MYO18A: variants seen among roughly 807,000 people sequenced by gnomAD.
The protein encoded by MYO18A is unconventional myosin-XVIIIa.
A neutral mutation model predicts 235.8 loss-of-function variants in MYO18A; 78 were observed. The observed-to-expected ratio is 0.33, with a 90% CI of 0.28 to 0.40. The LOEUF (loss-of-function observed/expected upper bound fraction) is 0.40, where lower values mean the gene tolerates loss of function less well. Among genes scored for constraint, MYO18A ranks in the 10% least tolerant of loss-of-function variants. The pLI is 1.00. For synonymous variants in MYO18A, 977 were observed against 1,077.8 expected, an observed-to-expected ratio of 0.91 and a Z score of 1.83; for missense variants, 2,215 against 2,699.3, an observed-to-expected ratio of 0.82 and a Z score of 3.98.
At chr17:29,147,891 A>C (rs1598377973) in intron 2 of MYO18A, among the ~76,000 whole-genome samples, 1 of 146,758 alleles carries the variant, frequency 6.8e-6, no homozygotes, top group Admixed American at 6.8e-5. Flanking sequence ...CTGGGTGACA[A>C]AAAAAAAAAA....
intron 2 of MYO18A, chr17:29,124,772 TGAGTC>T (rs1315128542): frequency 5.3e-6 from 6 of 1,127,946 alleles, no homozygotes; most frequent in African/African-American, 3.2e-5. Context: ...CAAGTGCTCC[TGAGTC>T]AAGTGGGCCG....
chr17:29,092,052 C>T (rs2066409814), intron 34 of MYO18A, among the ~76,000 whole-genome samples: 1 of 152,218 alleles, frequency 6.6e-6, no homozygotes, highest in Non-Finnish European at 1.5e-5. Flanking sequence ...ACATTAGCTG[C>T]CTTTATTTAT....
rs2067181692 is a variant in MYO18A, at chr17:29,120,888, G to A, written c.1585+110C>T. 4.5e-6 allele frequency: 7 copies of A among 1,555,246 alleles called. No homozygotes were observed. Among genetic ancestry groups the A allele is most frequent in the Non-Finnish European group, 6.1e-6 (7 of 1,143,206 alleles). ...AACTGCCCGTGGACAGAGGGGTTTC[G>A]GGGGGATGGAAAGGCCAGGGAGAAA... On this transcript the variant is annotated intron_variant, in intron 6 of 41. Transcript: ENST00000527372. This position sits in a 1 kb window ranked among gnomAD's most constrained non-coding sequence, Gnocchi z 4.2.
chr17:29,103,572 C>G, intron 21 of MYO18A, 27 bp downstream of exon 21: 1 of 1,613,040 alleles, frequency 6.2e-7, no homozygotes, highest in Non-Finnish European at 8.5e-7. Context: ...GAGTGAGGCC[C>G]GACTGCCCTC....
At position 29,074,879 on chromosome 17, in the gene MYO18A, C is replaced by T. The variant is rs1218067488; in HGVS notation, c.6056G>A (p.Arg2019Gln). 2.8e-5 allele frequency: 45 copies of T among 1,613,702 alleles called. No homozygotes were observed. In the South Asian group the frequency reaches 3.5e-4, roughly 13 times the overall value. ...TSYWKSLAPD[R>Q]SDDEHDPLDN... Reference sequence around the variant, plus strand: ...GAGAGGGTCGTGCTCATCATCTGACCGATCAGGGGCAAGGGACTTCCAGTA... The same window carrying T: ...GAGAGGGTCGTGCTCATCATCTGACTGATCAGGGGCAAGGGACTTCCAGTA... The change falls in exon 42 of 42, where the codon CGG (arginine) becomes CAG (glutamine). Residue 2019 changes from arginine (R) to glutamine (Q), a missense_variant. Physicochemically the swap from Arg to Gln is conservative, Grantham distance 43. Transcript: ENST00000527372. This position sits in a 1 kb window ranked among gnomAD's most constrained non-coding sequence, Gnocchi z 4.4.
intron 1 of MYO18A, among the ~76,000 whole-genome samples, chr17:29,175,242 C>T (rs1567651874): frequency 6.6e-6 from 1 of 152,212 alleles, no homozygotes; most frequent in Middle Eastern, 3.4e-3. Context: ...GCATGGGCCA[C>T]CGCACTCGGG....
At chr17:29,116,662 GAC>G (rs1053226670) in intron 10 of MYO18A, among the ~76,000 whole-genome samples, 1 of 103,686 alleles carries the variant, frequency 9.6e-6, no homozygotes, top group Non-Finnish European at 1.7e-5. Context: ...TAATCACACT[GAC>G]ACACACAGAA....
At chr17:29,128,938 A>AGACACAGCAGAGATGGAGCATG (rs1228517057) in intron 2 of MYO18A, 2 of 883,538 alleles carry the variant, frequency 2.3e-6, no homozygotes, top group African/African-American at 1.7e-5. Context: ...CTCGCAGCCC[A>AGACACAGCAGAGATGGAGCATG]GACACAGCAG....
chr17:29,107,788 T>G (rs2066828444), intron 19 of MYO18A: 1 of 152,190 alleles, frequency 6.6e-6, no homozygotes, highest in African/African-American at 2.4e-5. Context: ...TGGTGGTGCA[T>G]GCCTGTAGTC....
chr17:29,087,351 G>T (rs1454595667), intron 37 of MYO18A, among the ~76,000 whole-genome samples: 1 of 152,166 alleles, frequency 6.6e-6, no homozygotes, highest in Non-Finnish European at 1.5e-5. Flanking sequence ...TAATGAATGT[G>T]AATGCACTCT....
In MYO18A at chr17:29,111,526, T is replaced by C. The variant is rs753060357; in HGVS notation, c.2798A>G (p.His933Arg). 6.2e-7 allele frequency: 1 copy of C among 1,613,732 alleles called. No individual in the cohort carries two copies. The highest frequency in any genetic ancestry group is 2.2e-5 in the East Asian group (1 of 44,872). ...KPHHFLLGHSHGTNWVEYNVT... is the reference protein window; with the variant it reads ...KPHHFLLGHSRGTNWVEYNVT... The stretch of plus-strand genomic sequence containing the variant: ...ATTGTACTCTACCCAGTTGGTGCCA[T>C]GGCTGTGGCCCAGGAGAAAGTGGTG... Residue 933 changes from histidine to arginine, a missense_variant, in exon 17 of 42, where the codon CAT becomes CGT. Transcript: ENST00000527372. This position sits in a 1 kb window ranked among gnomAD's most constrained non-coding sequence, Gnocchi z 5.1.
In MYO18A at chr17:29,121,561, C is replaced by G; in HGVS notation, c.1357G>C (p.Val453Leu). The G allele has an allele frequency of 6.2e-7, 1 of 1,604,016 alleles. No individual in the cohort carries two copies. Among genetic ancestry groups the G allele is most frequent in the Non-Finnish European group, 8.5e-7 (1 of 1,175,986 alleles). ...LVLGPRGAPA[V>L]YSEKVMHMFK... ...GGGTGCTGCACCTTCTCAGAGTACA[C>G]AGCAGGGGCCCCACGGGGGCCAAGA... is the stretch of plus-strand genomic sequence containing the variant. Residue 453 changes from valine to leucine, a missense_variant, in exon 5 of 42, where the codon GTG becomes CTG. Coordinates refer to ENST00000527372, the MANE Select transcript of MYO18A (RefSeq NM_078471.4). This position sits in a 1 kb window ranked among gnomAD's most constrained non-coding sequence, Gnocchi z 4.2.
chr17:29,144,117 C>T (rs979682761), intron 2 of MYO18A, among the ~76,000 whole-genome samples: 5 of 152,226 alleles, frequency 3.3e-5, no homozygotes, highest in Non-Finnish European at 7.3e-5. Context: ...CTGCCCAAAG[C>T]GTGGTGGTGC....
rs932432822 is a variant in MYO18A at position 29,111,131 on chromosome 17, C to T, written c.2900+293G>A. Among the ~76,000 whole-genome samples the T allele has an allele frequency of 9.9e-5, 15 of 152,154 alleles. No individual in the cohort carries two copies. Among genetic ancestry groups the T allele is most frequent in the African/African-American group, 1.9e-4 (8 of 41,422 alleles). ...ACTAACCATCTTCTGAAGAGTAGAA[C>T]GGATGACAGGGCCCGTGGGGCTGGG... On this transcript the variant is annotated intron_variant, in intron 17 of 41. Transcript: ENST00000527372. The surrounding 1 kb of genome is among the most constrained non-coding windows in gnomAD (Gnocchi z 5.1).
chr17:29,166,722 G>C lies in MYO18A; in HGVS notation c.219C>G (p.Gly73=), dbSNP rs1206662825. 1.2e-6 allele frequency: 2 copies of C among 1,613,900 alleles called. No homozygotes were observed. The highest frequency in any genetic ancestry group is 1.7e-6 in the Non-Finnish European group (2 of 1,179,890). ...CAATGTCAGTCAGGTGCAGGTCAGA[G>C]CCGCTGGCCACCTTGATGGGGATGG... is the stretch of plus-strand genomic sequence containing the variant. ...SNPIPIKVAS[G]SDLHLTDIDS... Residue 73 remains glycine, a synonymous_variant, in exon 2 of 42, where the codon GGC becomes GGG. Transcript: ENST00000527372.
chr17:29,167,126 C>T, intron 1 of MYO18A, 105 bp from the exon 2 acceptor site: 1 of 779,178 alleles, frequency 1.3e-6, no homozygotes, highest in Non-Finnish European at 2.0e-6. Flanking sequence ...TGGGTGCTAG[C>T]TATGTGCCAG....
intron 1 of MYO18A, among the ~76,000 whole-genome samples, chr17:29,176,295 G>A (rs1328472935): frequency 6.6e-6 from 1 of 152,086 alleles, no homozygotes; most frequent in Non-Finnish European, 1.5e-5. Flanking sequence ...AAGTTTCAGT[G>A]GCTTGGGGGA....
chr17:29,143,584 G>A (rs1173418627), intron 2 of MYO18A, among the ~76,000 whole-genome samples: 3 of 152,032 alleles, frequency 2.0e-5, no homozygotes, highest in Non-Finnish European at 2.9e-5. Flanking sequence ...GATCATAAGC[G>A]GGGGAAAAAA....
chr17:29,097,839 G>T lies in MYO18A; in HGVS notation c.4051C>A (p.Arg1351Ser). The change falls in exon 26 of 42, where the codon CGT (arginine) becomes AGT (serine). Residue 1351 changes from arginine to serine, a missense_variant. By Grantham distance (110) the Arg-to-Ser change is moderately radical. Transcript: ENST00000527372. The part of the protein sequence containing the change: ...EVMEMEVMEA[R>S]LIRAAEINGE... ...TTGATCTCCGCTGCCCGGATGAGAC[G>T]GGCCTCCATCACCTCCATTTCCATA... The T allele has an allele frequency of 1.2e-6, 2 of 1,613,866 alleles. No individual in the cohort carries two copies. The highest frequency in any genetic ancestry group is 8.5e-7 in the Non-Finnish European group (1 of 1,179,818).
Sources: allele counts gnomAD v4.1 joint callset (sites outside exome capture counted in the v4.1 genomes callset), GRCh38; gene constraint gnomAD v4.1.1; non-coding constraint Gnocchi (gnomAD v3.1); transcripts MANE v1.5; gene names NCBI Gene and HGNC (gene_info 2026-07-23, HGNC 2026-07-21).